RIMS2: variants seen among roughly 807,000 people sequenced by gnomAD.
RIMS2 encodes the protein regulating synaptic membrane exocytosis protein 2.
RIMS2 carries 59 observed loss-of-function variants against 174.4 expected under a neutral mutation model. That is an observed-to-expected ratio of 0.34 (90% CI 0.27 to 0.42). The LOEUF (loss-of-function observed/expected upper bound fraction) is 0.42. Among genes scored for constraint, RIMS2 ranks in the 10% least tolerant of loss-of-function variants. The pLI, the probability that RIMS2 is intolerant of heterozygous loss-of-function variation, is 1.00. For missense variants in RIMS2, 1,620 were observed against 1,666.3 expected (o/e 0.97, Z 0.48); for synonymous variants, 606 against 572.5 (o/e 1.06, Z -0.84).
chr8:104,177,200 A>C (rs576097275), intron 19 of RIMS2, among the ~76,000 whole-genome samples: 1 of 152,270 alleles, frequency 6.6e-6, no homozygotes, highest in Admixed American at 6.5e-5. Context: ...GTGGATGTGA[A>C]ACTGAAGCAA....
intron 15 of RIMS2, among the ~76,000 whole-genome samples, chr8:103,972,555 T>C (rs1374149133): frequency 1.3e-5 from 2 of 152,186 alleles, no homozygotes; most frequent in Non-Finnish European, 2.9e-5. Flanking sequence ...AGCGTCTACA[T>C]AATCTTCCCC....
intron 16 of RIMS2, among the ~76,000 whole-genome samples, chr8:103,982,347 A>C (rs895706684): frequency 3.3e-5 from 5 of 152,062 alleles, no homozygotes; most frequent in African/African-American, 1.2e-4. Flanking sequence ...CTCTACTCAA[A>C]CTATTTCAAA....
At chr8:103,574,228 C>T (rs1219403649) in intron 1 of RIMS2, among the ~76,000 whole-genome samples, 4 of 152,118 alleles carry the variant, frequency 2.6e-5, no homozygotes, top group African/African-American at 9.7e-5. Flanking sequence ...AACTGGATAT[C>T]ATATTTGCCC....
chr8:103,973,050 C>T (rs906209546), intron 15 of RIMS2, among the ~76,000 whole-genome samples: 1 of 152,188 alleles, frequency 6.6e-6, no homozygotes, highest in African/African-American at 2.4e-5. Flanking sequence ...TTGGACAATA[C>T]TGTTCTAAGT....
chr8:104,056,353 G>A (rs897593907), intron 19 of RIMS2, among the ~76,000 whole-genome samples: 3 of 151,142 alleles, frequency 2.0e-5, no homozygotes, highest in Non-Finnish European at 4.4e-5. Context: ...GCAGTGAGCC[G>A]AGATCACGCC....
intron 19 of RIMS2, among the ~76,000 whole-genome samples, chr8:104,116,754 T>A (rs2098283114): frequency 6.6e-6 from 1 of 152,248 alleles, no homozygotes; most frequent in East Asian, 1.9e-4. Flanking sequence ...ATTATATTTA[T>A]AAGAATAATT....
At chr8:103,983,016 A>G (rs951250224) in intron 16 of RIMS2, among the ~76,000 whole-genome samples, 1 of 152,228 alleles carries the variant, frequency 6.6e-6, no homozygotes, top group Admixed American at 6.5e-5. Flanking sequence ...AGGCTCCACC[A>G]AAAACTATTA....
intron 19 of RIMS2, among the ~76,000 whole-genome samples, chr8:104,130,583 A>G (rs28604952): frequency 0.25 from 38,657 of 152,024 alleles, 5,418 homozygotes; most frequent in East Asian, 0.63. Context: ...CCCCCTCTTC[A>G]GAGATGAGAA....
intron 3 of RIMS2, among the ~76,000 whole-genome samples, chr8:103,834,748 C>CTT (rs2098857937): frequency 8.7e-6 from 1 of 115,046 alleles, no homozygotes; most frequent in Admixed American, 8.6e-5. Context: ...TTCTTTCTCT[C>CTT]TCTTTCTTTT....
At chr8:103,760,665 A>T (rs2098101460) in intron 2 of RIMS2, among the ~76,000 whole-genome samples, 1 of 152,156 alleles carries the variant, frequency 6.6e-6, no homozygotes, top group Non-Finnish European at 1.5e-5. Flanking sequence ...TTCCAAACAC[A>T]ATGTGGGCCA....
chr8:103,934,417 C>T (rs771669355), intron 12 of RIMS2, among the ~76,000 whole-genome samples: 2 of 152,076 alleles, frequency 1.3e-5, no homozygotes, highest in East Asian at 3.9e-4. Flanking sequence ...TTTATTTATA[C>T]TTCTAGAGAA....
At position 104,241,916 on chromosome 8, in the gene RIMS2, C is replaced by T. The variant is rs552402101; in HGVS notation, c.3335-3000C>T. Among the ~76,000 whole-genome samples the T allele has an allele frequency of 3.9e-5, 6 of 152,100 alleles. No homozygotes were observed. In the East Asian group the frequency reaches 5.8e-4, roughly 15 times the overall value. Reference sequence around the variant, plus strand: ...CTGGGATTACAGGTATGGGCCACCACGCCCAGCTAATTTTTGTATTTTTAG... The same window carrying T: ...CTGGGATTACAGGTATGGGCCACCATGCCCAGCTAATTTTTGTATTTTTAG... On this transcript the variant is annotated intron_variant, in intron 19 of 23. Transcript: ENST00000504942.
chr8:104,089,147 T>A (rs1038117308), intron 19 of RIMS2, among the ~76,000 whole-genome samples: 17 of 151,958 alleles, frequency 1.1e-4, no homozygotes, highest in African/African-American at 3.9e-4. Context: ...TTGTTTTTGT[T>A]CCATTAAAGA....
Position 103,555,518 on chromosome 8 carries a change from A to G in RIMS2, c.176+54456A>G, listed in dbSNP as rs79365298. Among the ~76,000 whole-genome samples the G allele has an allele frequency of 6.3e-4, 96 of 152,298 alleles. 1 individual carries two copies. The highest frequency in any genetic ancestry group is 1.2e-3 in the Non-Finnish European group (85 of 68,040). On this transcript the variant is annotated intron_variant, in intron 1 of 23. Transcript: ENST00000504942. ...ATATAGCAGTCGTTTAACCAAGTAT[A>G]TATCCAAACTATATGATTTCAGTGT...
At chr8:104,231,443 G>T (rs913359391) in intron 19 of RIMS2, among the ~76,000 whole-genome samples, 1 of 151,548 alleles carries the variant, frequency 6.6e-6, no homozygotes, top group Admixed American at 6.6e-5. Context: ...CCAAAGTTTT[G>T]TTCATGCCTT....
At chr8:104,169,365 T>C (rs909007905) in intron 19 of RIMS2, among the ~76,000 whole-genome samples, 1 of 147,978 alleles carries the variant, frequency 6.8e-6, no homozygotes, top group African/African-American at 2.5e-5. Context: ...TCATTACTTG[T>C]TATTAGTCTG....
intron 19 of RIMS2, among the ~76,000 whole-genome samples, chr8:104,193,256 G>T (rs912241915): frequency 6.6e-6 from 1 of 151,980 alleles, no homozygotes; most frequent in Non-Finnish European, 1.5e-5. Flanking sequence ...TTTTCTGATT[G>T]AGTACTGTGG....
intron 9 of RIMS2, chr8:103,920,619 C>T (rs2077427630): frequency 2.2e-6 from 1 of 456,518 alleles, no homozygotes; most frequent in Non-Finnish European, 4.4e-6. Context: ...TGCTTTACAT[C>T]TCCCATTGGA....
At chr8:103,578,264 T>C (rs941381695) in intron 1 of RIMS2, among the ~76,000 whole-genome samples, 5 of 152,182 alleles carry the variant, frequency 3.3e-5, no homozygotes, top group Admixed American at 2.0e-4. Context: ...GCATTGTGGT[T>C]CATGCCTGTA....
Sources: gnomAD v4.1 joint callset for allele counts (sites outside exome capture counted in the v4.1 genomes callset) on GRCh38, gnomAD v4.1.1 for gene constraint, MANE v1.5 for transcripts, NCBI Gene and HGNC (gene_info 2026-07-23, HGNC 2026-07-21) for gene names.